Variants in FBXL13 observed in about 807,000 individuals in gnomAD.
FBXL13 encodes the protein F-box and leucine-rich repeat protein 13.
Under a neutral mutation model 83.6 loss-of-function variants are expected in FBXL13, and 67 were observed. The observed-to-expected ratio is 0.80, with a 90% confidence interval of 0.66 to 0.98. The LOEUF (loss-of-function observed/expected upper bound fraction) is 0.98, where lower values mean the gene tolerates loss of function less well. Ranked by LOEUF, FBXL13 falls within the 50% of genes least tolerant of loss-of-function variation. The pLI, the probability that FBXL13 is intolerant of heterozygous loss-of-function variation, is 0.00. For missense variants in FBXL13, 822 were observed against 866.5 expected (o/e 0.95, Z 0.64); for synonymous variants, 272 against 299.5 (o/e 0.91, Z 0.95).
intron 8 of FBXL13, among the ~76,000 whole-genome samples, chr7:102,952,922 T>C (rs1253241052): frequency 6.6e-6 from 1 of 152,058 alleles, no homozygotes; most frequent in Non-Finnish European, 1.5e-5. Flanking sequence ...AGGCAGAGGT[T>C]CCAGTGAGCC....
chr7:103,011,894 A>G (rs1791669693), intron 6 of FBXL13, among the ~76,000 whole-genome samples: 1 of 152,168 alleles, frequency 6.6e-6, no homozygotes, highest in South Asian at 2.1e-4. Flanking sequence ...GAAAGAGAAA[A>G]GAGAGGGAGA....
intron 1 of FBXL13, among the ~76,000 whole-genome samples, chr7:103,057,247 C>G (rs777255579): frequency 6.6e-6 from 1 of 152,172 alleles, no homozygotes; most frequent in Non-Finnish European, 1.5e-5. Flanking sequence ...TGCAGTTTAT[C>G]TTGCCTCTTT....
At chr7:102,813,130 G>A (rs1051983354), downstream of FBXL13, 8 of 516,008 alleles carry the variant, frequency 1.6e-5, no homozygotes, top group Middle Eastern at 5.2e-4. Context: ...GTGAGCCACC[G>A]CTCCTGGCCT....
intron 10 of FBXL13, among the ~76,000 whole-genome samples, chr7:102,923,402 G>A (rs1817473095): frequency 1.3e-5 from 2 of 151,962 alleles, no homozygotes; most frequent in African/African-American, 4.8e-5. Context: ...CACACAGTTG[G>A]GAAAAAATGT....
intron 6 of FBXL13, among the ~76,000 whole-genome samples, chr7:103,006,949 G>A (rs2129486085): frequency 6.6e-6 from 1 of 152,142 alleles, no homozygotes; most frequent in Non-Finnish European, 1.5e-5. Flanking sequence ...TAATTTAAAA[G>A]TTCACTGGAA....
At chr7:103,056,646 C>G (rs1437314896) in intron 1 of FBXL13, among the ~76,000 whole-genome samples, 2 of 152,110 alleles carry the variant, frequency 1.3e-5, no homozygotes, top group East Asian at 3.9e-4. Context: ...GTAGTAGAGA[C>G]AGGGTTTCAC....
intron 10 of FBXL13, among the ~76,000 whole-genome samples, chr7:102,920,372 GT>G (rs148367277): frequency 1.3e-5 from 2 of 149,564 alleles, no homozygotes; most frequent in Admixed American, 6.7e-5. Context: ...CATACACTCA[GT>G]TTTTTTTTTC....
intron 5 of FBXL13, among the ~76,000 whole-genome samples, chr7:103,025,457 G>A (rs1227597829): frequency 6.6e-6 from 1 of 152,164 alleles, no homozygotes; most frequent in African/African-American, 2.4e-5. Flanking sequence ...ACTGGCACAG[G>A]CAGCCATCTT....
At chr7:103,044,108 C>T (rs974390163) in intron 2 of FBXL13, among the ~76,000 whole-genome samples, 8 of 152,142 alleles carry the variant, frequency 5.3e-5, no homozygotes, top group Admixed American at 2.0e-4. Context: ...TGAAATCAAG[C>T]ATCTAGATTT....
chr7:102,837,050 C>T (rs775458936), intron 17 of FBXL13, among the ~76,000 whole-genome samples: 9 of 152,180 alleles, frequency 5.9e-5, no homozygotes, highest in Non-Finnish European at 1.3e-4. Context: ...TAAAATGCAA[C>T]TTCCACAATT....
intron 11 of FBXL13, among the ~76,000 whole-genome samples, chr7:102,912,536 G>A (rs1814877269): frequency 6.6e-6 from 1 of 152,100 alleles, no homozygotes; most frequent in African/African-American, 2.4e-5. Context: ...TCCAAGTCCT[G>A]TTCCCTCAAA....
rs184864267 is a variant in FBXL13 at position 102,942,801 on chromosome 7, T to C, written c.725-10868A>G. ...ATGAAAATAGTTAATAGTATTGGTA[T>C]GACCACATATTTTCCTAATTCAAAA... On this transcript the variant is annotated intron_variant, in intron 8 of 19. Transcript: ENST00000313221. 5.1e-4 allele frequency among the ~76,000 whole-genome samples: 77 copies of C among 152,316 alleles called. 2 individuals carry two copies. The East Asian group carries it at 0.015, about 29-fold the overall frequency.
chr7:102,828,467 T>C (rs999762664), intron 18 of FBXL13, among the ~76,000 whole-genome samples: 1 of 152,142 alleles, frequency 6.6e-6, no homozygotes, highest in African/African-American at 2.4e-5. Flanking sequence ...ACTAAGAAAA[T>C]AAAGGTTGAA....
At chr7:102,837,629 C>T (rs1394589017) in intron 17 of FBXL13, among the ~76,000 whole-genome samples, 2 of 152,114 alleles carry the variant, frequency 1.3e-5, no homozygotes, top group Non-Finnish European at 2.9e-5. Flanking sequence ...GATCATAGCT[C>T]ACTGTAGCCT....
At chr7:102,934,716 T>C in intron 8 of FBXL13, 2 of 1,521,408 alleles carry the variant, frequency 1.3e-6, no homozygotes, top group Non-Finnish European at 1.8e-6. Flanking sequence ...TTCATTTTCA[T>C]GAATAACTTG....
At chr7:103,065,688 T>C (rs1798324858) in intron 1 of FBXL13, among the ~76,000 whole-genome samples, 1 of 152,066 alleles carries the variant, frequency 6.6e-6, no homozygotes, top group South Asian at 2.1e-4. Context: ...TGAAATAACC[T>C]TGGAAGGAGG....
At chr7:102,924,816 A>AT (rs1331878001) in intron 10 of FBXL13, among the ~76,000 whole-genome samples, 1 of 151,094 alleles carries the variant, frequency 6.6e-6, no homozygotes, top group Admixed American at 6.6e-5. Context: ...AATTTTTTCT[A>AT]TTTTTTAGTA....
At chr7:103,020,114 AG>A (rs1158224096) in intron 6 of FBXL13, among the ~76,000 whole-genome samples, 2 of 152,174 alleles carry the variant, frequency 1.3e-5, no homozygotes, top group Non-Finnish European at 2.9e-5. Flanking sequence ...CATATCAAAA[AG>A]CTTATCCACC....
At chr7:102,921,313 CAACT>C (rs1451540566) in intron 10 of FBXL13, among the ~76,000 whole-genome samples, 2 of 152,124 alleles carry the variant, frequency 1.3e-5, no homozygotes, top group Non-Finnish European at 2.9e-5. Flanking sequence ...TCATAATAGG[CAACT>C]AATATATCAC....
Sources: gnomAD v4.1 joint callset for allele counts (sites outside exome capture counted in the v4.1 genomes callset) on GRCh38, gnomAD v4.1.1 for gene constraint, MANE v1.5 for transcripts, NCBI Gene and HGNC (gene_info 2026-07-23, HGNC 2026-07-21) for gene names.